Variants in SPOCK3 observed in about 807,000 individuals in gnomAD.
The protein encoded by SPOCK3 is testican-3.
A neutral mutation model predicts 56.6 loss-of-function variants in SPOCK3; 30 were observed. The ratio of observed to expected loss-of-function variants is 0.53; its 90% CI spans 0.40 to 0.72. The LOEUF (loss-of-function observed/expected upper bound fraction) is 0.72. Among genes scored for constraint, SPOCK3 ranks in the 30% least tolerant of loss-of-function variants. The probability of loss-of-function intolerance (pLI) is 0.00; values close to 1 mark genes in which losing one functional copy is unlikely to be tolerated. For missense variants in SPOCK3, 527 were observed against 530.0 expected, an observed-to-expected ratio of 0.99 and a Z score of 0.06; for synonymous variants, 196 against 183.3, an observed-to-expected ratio of 1.07 and a Z score of -0.56.
intron 6 of SPOCK3, among the ~76,000 whole-genome samples, chr4:166,845,824 C>T (rs530168747): frequency 6.6e-6 from 1 of 152,260 alleles, no homozygotes; most frequent in Non-Finnish European, 1.5e-5. Flanking sequence ...TCACATGTCA[C>T]TTAATTATGG....
chr4:167,163,466 A>C (rs1450484951), intron 2 of SPOCK3, among the ~76,000 whole-genome samples: 2 of 151,952 alleles, frequency 1.3e-5, no homozygotes, highest in Non-Finnish European at 2.9e-5. Flanking sequence ...TTATTTCTAA[A>C]TGTACAATAA....
intron 9 of SPOCK3, among the ~76,000 whole-genome samples, chr4:166,738,416 T>A (rs10029612): frequency 5.0e-4 from 57 of 113,870 alleles, no homozygotes; most frequent in African/African-American, 1.1e-3. Flanking sequence ...GATAAATATT[T>A]TTTATTTATT....
chr4:166,799,401 C>T (rs1742306835), intron 6 of SPOCK3, among the ~76,000 whole-genome samples: 1 of 152,112 alleles, frequency 6.6e-6, no homozygotes, highest in South Asian at 2.1e-4. Context: ...GTAACAGCAG[C>T]TTTGAAGGCC....
chr4:167,228,815 C>A (rs1271556477), intron 2 of SPOCK3, among the ~76,000 whole-genome samples: 3 of 152,102 alleles, frequency 2.0e-5, no homozygotes, highest in African/African-American at 7.2e-5. Flanking sequence ...TCAGTTGCCT[C>A]TCTCCATTAA....
chr4:167,174,104 T>C (rs1418637787), intron 2 of SPOCK3, among the ~76,000 whole-genome samples: 2 of 152,124 alleles, frequency 1.3e-5, no homozygotes, highest in African/African-American at 4.8e-5. Context: ...TTTTATTCCT[T>C]ACTTATTTAT....
At chr4:167,083,019 G>A (rs927357317) in intron 2 of SPOCK3, among the ~76,000 whole-genome samples, 11 of 151,886 alleles carry the variant, frequency 7.2e-5, no homozygotes, top group African/African-American at 1.4e-4. Flanking sequence ...TTCTCCTGTC[G>A]GATATTAACA....
At chr4:167,114,544 GA>G (rs1004188938) in intron 2 of SPOCK3, among the ~76,000 whole-genome samples, 1 of 152,064 alleles carries the variant, frequency 6.6e-6, no homozygotes, top group Non-Finnish European at 1.5e-5. Context: ...TGCAGGTACA[GA>G]AAAAAATTAT....
chr4:167,087,493 G>A (rs369007218), intron 2 of SPOCK3, among the ~76,000 whole-genome samples: 218 of 152,270 alleles, frequency 1.4e-3, no homozygotes, highest in African/African-American at 4.9e-3. Flanking sequence ...AGTGACAACA[G>A]AGCATACTTT....
At chr4:166,807,331 G>T (rs1007609683) in intron 6 of SPOCK3, among the ~76,000 whole-genome samples, 1 of 151,534 alleles carries the variant, frequency 6.6e-6, no homozygotes, top group South Asian at 2.1e-4. Flanking sequence ...AAAGAACAGG[G>T]TCAGTGGATT....
chr4:167,075,238 T>C (rs543970526), intron 2 of SPOCK3, among the ~76,000 whole-genome samples: 1 of 151,794 alleles, frequency 6.6e-6, no homozygotes, highest in Non-Finnish European at 1.5e-5. Context: ...CACTTAAAAA[T>C]TGAAATGAAA....
intron 4 of SPOCK3, among the ~76,000 whole-genome samples, chr4:166,922,798 A>G (rs1041352625): frequency 6.6e-6 from 1 of 152,190 alleles, no homozygotes; most frequent in East Asian, 1.9e-4. Flanking sequence ...ATGATATTGC[A>G]TATAAGTTGA....
intron 6 of SPOCK3, among the ~76,000 whole-genome samples, chr4:166,794,064 T>C (rs764573949): frequency 2.0e-5 from 3 of 151,974 alleles, no homozygotes; most frequent in African/African-American, 4.8e-5. Flanking sequence ...GGCAGTAAGA[T>C]TGAGATTTCT....
chr4:166,851,209 C>G (rs1161512674), intron 6 of SPOCK3, among the ~76,000 whole-genome samples: 2 of 152,188 alleles, frequency 1.3e-5, no homozygotes. Flanking sequence ...CAGGGGCAGA[C>G]TGACACCTCA....
chr4:167,166,472 A>C (rs536443798), intron 2 of SPOCK3, among the ~76,000 whole-genome samples: 3 of 152,180 alleles, frequency 2.0e-5, no homozygotes, highest in Admixed American at 1.3e-4. Flanking sequence ...ACTACAATCT[A>C]TCTCTCAAGA....
At chr4:167,056,870 T>C (rs1425611734) in intron 3 of SPOCK3, among the ~76,000 whole-genome samples, 3 of 152,086 alleles carry the variant, frequency 2.0e-5, no homozygotes, top group Non-Finnish European at 4.4e-5. Flanking sequence ...CTGCAGGATA[T>C]TATCCAGGAG....
rs539175275 is a variant in SPOCK3 at position 167,092,320 on chromosome 4, A to G, written c.190-29783T>C. Among the ~76,000 whole-genome samples, 19 of 152,088 alleles carry G rather than the reference A, an allele frequency of 1.2e-4. 2 individuals are homozygous for G. The highest frequency in any genetic ancestry group is 4.3e-4 in the African/African-American group (18 of 41,500). On this transcript the variant is annotated intron_variant, in intron 2 of 10. Coordinates refer to ENST00000357545, the MANE Select transcript of SPOCK3 (RefSeq NM_001040159.2). ...CCCATTAGTATCACAAACATAAACAAATCCTCTTTGATGTGCCTTCTGGGT... is the reference window on the plus strand; with the variant it reads ...CCCATTAGTATCACAAACATAAACAGATCCTCTTTGATGTGCCTTCTGGGT...
chr4:167,075,201 C>T (rs1757068571), intron 2 of SPOCK3, among the ~76,000 whole-genome samples: 1 of 151,586 alleles, frequency 6.6e-6, no homozygotes, highest in African/African-American at 2.4e-5. Flanking sequence ...ATGGAACAAA[C>T]CTTTTACAAA....
At chr4:166,902,700 C>T (rs1318761801) in intron 5 of SPOCK3, among the ~76,000 whole-genome samples, 4 of 151,454 alleles carry the variant, frequency 2.6e-5, no homozygotes, top group African/African-American at 7.3e-5. Context: ...TGTACACTCA[C>T]ATATATATAA....
At chr4:167,123,902 C>T (rs371985541) in intron 2 of SPOCK3, among the ~76,000 whole-genome samples, 1 of 151,876 alleles carries the variant, frequency 6.6e-6, no homozygotes, top group Non-Finnish European at 1.5e-5. Flanking sequence ...CATACTGCCA[C>T]GCCTGGCTAA....
Sources: gnomAD v4.1 joint callset for allele counts (sites outside exome capture counted in the v4.1 genomes callset) on GRCh38, gnomAD v4.1.1 for gene constraint, MANE v1.5 for transcripts, NCBI Gene and HGNC (gene_info 2026-07-23, HGNC 2026-07-21) for gene names.